GPC5: variants seen among roughly 807,000 people sequenced by gnomAD.
The protein encoded by GPC5 is glypican-5.
GPC5 carries 47 observed loss-of-function variants against 53.9 expected under a neutral mutation model. The ratio of observed to expected loss-of-function variants is 0.87; its 90% confidence interval spans 0.69 to 1.11. GPC5 has a LOEUF of 1.11. Among genes scored for constraint, GPC5 ranks in the 50% most tolerant of loss-of-function variants. The probability of loss-of-function intolerance (pLI) is 0.00; values close to 1 mark genes in which losing one functional copy is unlikely to be tolerated. For synonymous variants in GPC5, 286 were observed against 263.3 expected (o/e 1.09, Z -0.84); for missense variants, 748 against 713.1 (o/e 1.05, Z -0.56).
At chr13:92,383,578 A>G (rs974810204) in intron 7 of GPC5, among the ~76,000 whole-genome samples, 1 of 152,228 alleles carries the variant, frequency 6.6e-6, no homozygotes, top group Non-Finnish European at 1.5e-5. Flanking sequence ...CTTTGATAAT[A>G]TGACTATTAC....
At chr13:91,753,542 G>A (rs1256406324) in intron 4 of GPC5, among the ~76,000 whole-genome samples, 1 of 152,118 alleles carries the variant, frequency 6.6e-6, no homozygotes, top group Non-Finnish European at 1.5e-5. Context: ...CCACCTAAGT[G>A]ACCTCACTGC....
chr13:92,160,531 G>A (rs745315585), intron 7 of GPC5, among the ~76,000 whole-genome samples: 10 of 152,262 alleles, frequency 6.6e-5, no homozygotes, highest in Non-Finnish European at 1.0e-4. Flanking sequence ...CCATTGAACA[G>A]AGAGTAAGGG....
intron 5 of GPC5, among the ~76,000 whole-genome samples, chr13:91,801,253 TTGTGTGTGTGTGTGTGTGTGTGTG>T (rs71113762): frequency 6.8e-6 from 1 of 146,298 alleles, no homozygotes; most frequent in Admixed American, 6.9e-5. Context: ...CATCCATACT[TTGTGTGTGTGTGTGTGTGTGTGTG>T]TGTGTGTGTG....
At chr13:92,259,816 CTG>C (rs2042752613) in intron 7 of GPC5, among the ~76,000 whole-genome samples, 1 of 152,170 alleles carries the variant, frequency 6.6e-6, no homozygotes, top group Non-Finnish European at 1.5e-5. Flanking sequence ...TTTGCTGCCT[CTG>C]TAACCCTGCA....
intron 5 of GPC5, among the ~76,000 whole-genome samples, chr13:91,893,247 C>T (rs1005449260): frequency 6.6e-6 from 1 of 152,060 alleles, no homozygotes. Context: ...CCTGTCTGAC[C>T]AGTAAACCAT....
intron 6 of GPC5, among the ~76,000 whole-genome samples, chr13:92,062,052 A>G (rs2041128501): frequency 6.6e-6 from 1 of 151,868 alleles, no homozygotes; most frequent in African/African-American, 2.4e-5. Flanking sequence ...GAAAATATAG[A>G]CTTTCCAAGC....
At chr13:91,574,604 G>C (rs1032467181) in intron 2 of GPC5, among the ~76,000 whole-genome samples, 1 of 152,062 alleles carries the variant, frequency 6.6e-6, no homozygotes, top group Admixed American at 6.6e-5. Context: ...AAAAATATTA[G>C]AAAGTTATAG....
In GPC5 at chr13:92,125,922, TG is replaced by T. The variant is rs150251257; in HGVS notation, c.1402-18906del. 2.7e-3 allele frequency among the ~76,000 whole-genome samples: 147 copies of T among 53,666 alleles called. 10 individuals are homozygous for T. Among genetic ancestry groups the T allele is most frequent in the Non-Finnish European group, 4.7e-3 (97 of 20,798 alleles). 35.2% of individuals were successfully genotyped at this position (53,666 alleles called of 152,430 possible). On this transcript the variant is annotated intron_variant, in intron 6 of 7. Transcript: ENST00000377067. ...CATTAGAAAGGAAACATTTGTTTTT[TG>T]GTTTTTTTTTTTTTTTTTTTTTTTT...
chr13:92,059,835 C>T (rs1055157782), intron 6 of GPC5: 1 of 152,046 alleles, frequency 6.6e-6, no homozygotes, highest in South Asian at 2.1e-4. Flanking sequence ...GTGAAGTTCA[C>T]ATAAGTTAAC....
At chr13:92,482,916 A>G (rs1879412747) in intron 7 of GPC5, among the ~76,000 whole-genome samples, 1 of 152,202 alleles carries the variant, frequency 6.6e-6, no homozygotes, top group Admixed American at 6.5e-5. Flanking sequence ...TATAAAGGAA[A>G]GAGGTTTAAT....
chr13:92,329,791 C>T (rs2043276349), intron 7 of GPC5, among the ~76,000 whole-genome samples: 2 of 152,066 alleles, frequency 1.3e-5, no homozygotes, highest in Admixed American at 6.6e-5. Flanking sequence ...GCCAAGAAAA[C>T]ATCACAGGAC....
intron 6 of GPC5, among the ~76,000 whole-genome samples, chr13:92,094,470 G>A (rs1475893119): frequency 1.6e-5 from 2 of 122,118 alleles, no homozygotes; most frequent in South Asian, 2.6e-4. Context: ...GCAGTGAGCC[G>A]AAATCGTACC....
chr13:92,440,865 G>T (rs1185528527), intron 7 of GPC5, among the ~76,000 whole-genome samples: 1 of 152,026 alleles, frequency 6.6e-6, no homozygotes, highest in African/African-American at 2.4e-5. Flanking sequence ...TCTTATGTTT[G>T]TTGGCCACTT....
At chr13:92,117,421 C>T (rs2041609972) in intron 6 of GPC5, among the ~76,000 whole-genome samples, 1 of 152,102 alleles carries the variant, frequency 6.6e-6, no homozygotes, top group African/African-American at 2.4e-5. Context: ...AGTTTGATTC[C>T]TCCACCTTGG....
chr13:91,711,898 T>C (rs1194303164), intron 3 of GPC5, among the ~76,000 whole-genome samples: 1 of 152,152 alleles, frequency 6.6e-6, no homozygotes, highest in Non-Finnish European at 1.5e-5. Flanking sequence ...GGCTAGGCCA[T>C]TGGCAGCTGT....
intron 7 of GPC5, chr13:92,658,997 C>T (rs1397960174): frequency 1.6e-5 from 2 of 127,464 alleles, no homozygotes; most frequent in African/African-American, 5.8e-5. Context: ...GGCGGGATCT[C>T]GGCTCACTGC....
chr13:91,546,722 A>T (rs2030310873), intron 2 of GPC5, among the ~76,000 whole-genome samples: 1 of 152,122 alleles, frequency 6.6e-6, no homozygotes. Flanking sequence ...GTGCAAGAAG[A>T]TCAAGAAGGA....
chr13:92,864,811 T>G (rs1879290035), intron 7 of GPC5, among the ~76,000 whole-genome samples: 1 of 152,188 alleles, frequency 6.6e-6, no homozygotes, highest in Non-Finnish European at 1.5e-5. Flanking sequence ...GAGCTTTGCT[T>G]CGTTTTAGTG....
At chr13:92,740,459 T>C (rs950802887) in intron 7 of GPC5, among the ~76,000 whole-genome samples, 1 of 152,074 alleles carries the variant, frequency 6.6e-6, no homozygotes, top group Non-Finnish European at 1.5e-5. Flanking sequence ...TACTGTCCAA[T>C]TGTGAAATAG....
Sources: allele counts gnomAD v4.1 joint callset (sites outside exome capture counted in the v4.1 genomes callset), GRCh38; gene constraint gnomAD v4.1.1; transcripts MANE v1.5; gene names NCBI Gene and HGNC (gene_info 2026-07-23, HGNC 2026-07-21).